JAK1: variants seen among roughly 807,000 people sequenced by gnomAD.
The protein encoded by JAK1 is tyrosine-protein kinase JAK1.
A neutral mutation model predicts 136.6 loss-of-function variants in JAK1; 16 were observed. The ratio of observed to expected loss-of-function variants is 0.12; its 90% confidence interval spans 0.08 to 0.18. The LOEUF (loss-of-function observed/expected upper bound fraction) is 0.18, where lower values mean the gene tolerates loss of function less well. Ranked by LOEUF, JAK1 falls within the 10% of genes least tolerant of loss-of-function variation. The pLI is 1.00. For synonymous variants in JAK1, 492 were observed against 519.5 expected (o/e 0.95, Z 0.72); for missense variants, 859 against 1,450.1 (o/e 0.59, Z 6.62).
intron 1 of JAK1, among the ~76,000 whole-genome samples, chr1:64,965,576 G>T (rs148431255): frequency 6.6e-6 from 1 of 152,282 alleles, no homozygotes; most frequent in Admixed American, 6.5e-5. Flanking sequence ...GACGATGCGC[G>T]GATGGAGTTG....
At position 64,923,791 on chromosome 1, in the gene JAK1, T is replaced by C. The variant is rs1645536798; in HGVS notation, c.-77-37450A>G. On this transcript the variant is annotated intron_variant, in intron 1 of 24. Coordinates refer to ENST00000342505, the MANE Select transcript of JAK1 (RefSeq NM_002227.4). Reference sequence around the variant, plus strand: ...TGCACTTTGCCAGGTCTTACTGATATGGTTCCAGTGCATCAGACCAACGGT... The same window carrying C: ...TGCACTTTGCCAGGTCTTACTGATACGGTTCCAGTGCATCAGACCAACGGT... Among the ~76,000 whole-genome samples, 4 of 152,178 alleles carry C rather than the reference T, an allele frequency of 2.6e-5. No homozygotes were observed. The South Asian group carries it at 6.2e-4, about 24-fold the overall frequency.
chr1:65,030,862 GA>G (rs770736464), intron 2 of JAK1, among the ~76,000 whole-genome samples: 84 of 152,008 alleles, frequency 5.5e-4, no homozygotes, highest in Non-Finnish European at 1.1e-3. Context: ...AATTGCAAAA[GA>G]AAAAACGGTG....
chr1:64,985,195 C>T lies in JAK1; in HGVS notation c.-78+59285G>A, dbSNP rs1646586889. 3.9e-6 allele frequency: 6 copies of T among 1,544,646 alleles called. 1 individual carries two copies. The South Asian group carries it at 6.7e-5, about 17-fold the overall frequency. On this transcript the variant is annotated intron_variant, in intron 2 of 25. Coordinates refer to the JAK1 transcript ENST00000671954. ...ATGGTGACACAGATGGGCTCTTGAA[C>T]ACCTGCACCCTTAAAGATTCCTGTT...
chr1:64,868,616 A>G (rs944505410), intron 6 of JAK1, among the ~76,000 whole-genome samples: 4 of 152,172 alleles, frequency 2.6e-5, no homozygotes, highest in South Asian at 2.1e-4. Context: ...GTCAAGCGCA[A>G]GGAGAAACAA....
chr1:64,904,577 A>G (rs943351740), intron 1 of JAK1, among the ~76,000 whole-genome samples: 1 of 152,228 alleles, frequency 6.6e-6, no homozygotes, highest in Non-Finnish European at 1.5e-5. Context: ...ACATTTGGAA[A>G]AGTCCGGATC....
intron 22 of JAK1, among the ~76,000 whole-genome samples, chr1:64,837,705 A>AAAGAAGCT (rs1355527460): frequency 1.3e-5 from 2 of 152,248 alleles, no homozygotes; most frequent in African/African-American, 4.8e-5. Flanking sequence ...TCCTTGGAAG[A>AAAGAAGCT]CGGTGTCATA....
In JAK1 at chr1:64,841,448, T is replaced by C. The variant is rs1263777198; in HGVS notation, c.2554+3A>G. ...GGTTAAAGCAGCACATGGCAGGTCTTACTCTGCTCTTCAAGCTTATTAATG... is the reference window on the plus strand; with the variant it reads ...GGTTAAAGCAGCACATGGCAGGTCTCACTCTGCTCTTCAAGCTTATTAATG... On this transcript the variant is annotated splice_donor_region_variant and intron_variant, in intron 18 of 24. Coordinates refer to ENST00000342505, the MANE Select transcript of JAK1 (RefSeq NM_002227.4). 6.2e-7 allele frequency: 1 copy of C among 1,614,096 alleles called. No individual in the cohort carries two copies. Among genetic ancestry groups the C allele is most frequent in the Non-Finnish European group, 8.5e-7 (1 of 1,180,036 alleles).
At chr1:64,906,925 T>C (rs982532598) in intron 1 of JAK1, among the ~76,000 whole-genome samples, 4 of 152,122 alleles carry the variant, frequency 2.6e-5, no homozygotes, top group African/African-American at 7.2e-5. Context: ...TCTTTTTCCT[T>C]TTACCACTAT....
At chr1:65,028,024 T>G (rs879828458) in intron 2 of JAK1, among the ~76,000 whole-genome samples, 9 of 152,194 alleles carry the variant, frequency 5.9e-5, no homozygotes, top group Non-Finnish European at 8.8e-5. Flanking sequence ...AAGTAGAGTG[T>G]TTTTGTGCTC....
intron 1 of JAK1, among the ~76,000 whole-genome samples, chr1:65,063,084 T>G (rs1438842321): frequency 6.6e-6 from 1 of 152,174 alleles, no homozygotes; most frequent in African/African-American, 2.4e-5. Flanking sequence ...GTACTTTTTT[T>G]GGAGGAAAGG....
At chr1:64,991,039 T>C (rs1646652676) in intron 2 of JAK1, among the ~76,000 whole-genome samples, 1 of 150,670 alleles carries the variant, frequency 6.6e-6, no homozygotes, top group African/African-American at 2.4e-5. Flanking sequence ...ACAATGCTCT[T>C]AAATATGCTC....
intron 1 of JAK1, among the ~76,000 whole-genome samples, chr1:64,944,139 A>G (rs921742188): frequency 3.3e-5 from 5 of 149,452 alleles, no homozygotes; most frequent in Non-Finnish European, 5.9e-5. Flanking sequence ...GGAGAATGGC[A>G]TGAACCCAGG....
chr1:65,058,275 G>A (rs750859194), intron 1 of JAK1, among the ~76,000 whole-genome samples: 8 of 152,120 alleles, frequency 5.3e-5, no homozygotes, highest in Non-Finnish European at 4.4e-5. Context: ...ACAAAACAAG[G>A]CAAAGAGAAG....
chr1:64,879,504 G>A (rs868488810), intron 3 of JAK1, among the ~76,000 whole-genome samples: 20 of 152,172 alleles, frequency 1.3e-4, no homozygotes, highest in Admixed American at 2.0e-4. Context: ...CCTGCCTGAT[G>A]TGCACTTTGC....
intron 1 of JAK1, among the ~76,000 whole-genome samples, chr1:64,926,454 T>C (rs746966768): frequency 7.0e-6 from 1 of 142,168 alleles, no homozygotes; most frequent in Non-Finnish European, 1.5e-5. Context: ...ATGCACACAC[T>C]TTCCTCAGGG....
At chr1:64,985,761 T>G (rs573715920) in intron 2 of JAK1, 33 of 659,080 alleles carry the variant, frequency 5.0e-5, no homozygotes, top group Non-Finnish European at 7.8e-5. Flanking sequence ...CTCAGCTACT[T>G]TACACAGTCC....
At chr1:65,050,282 C>G (rs1647248888) in intron 1 of JAK1, among the ~76,000 whole-genome samples, 1 of 152,118 alleles carries the variant, frequency 6.6e-6, no homozygotes. Context: ...AAATATGCAC[C>G]CGCAACACAC....
chr1:64,995,780 C>G (rs1469069479), intron 2 of JAK1, among the ~76,000 whole-genome samples: 1 of 152,134 alleles, frequency 6.6e-6, no homozygotes, highest in East Asian at 1.9e-4. Context: ...CTCTGTCACT[C>G]AGGCTGGAGT....
intron 1 of JAK1, among the ~76,000 whole-genome samples, chr1:65,057,306 G>A (rs995956803): frequency 3.3e-5 from 5 of 152,344 alleles, no homozygotes; most frequent in Non-Finnish European, 7.3e-5. Flanking sequence ...ATAATTGGCA[G>A]AGATTGGCAT....
Sources: allele counts gnomAD v4.1 joint callset (sites outside exome capture counted in the v4.1 genomes callset), GRCh38; gene constraint gnomAD v4.1.1; transcripts MANE v1.5; gene names NCBI Gene and HGNC (gene_info 2026-07-23, HGNC 2026-07-21).